KSR1: variants seen among roughly 807,000 people sequenced by gnomAD.
The protein encoded by KSR1 is kinase suppressor of ras.
In KSR1, 35 loss-of-function variants were observed where a neutral mutation model predicts 92.9. That is an observed-to-expected ratio of 0.38 (90% CI 0.29 to 0.50). The LOEUF is 0.50. Among genes scored for constraint, KSR1 ranks in the 20% least tolerant of loss-of-function variants. KSR1 has a pLI of 0.94. For missense variants in KSR1, 972 were observed against 1,158.5 expected, an observed-to-expected ratio of 0.84 and a Z score of 2.34; for synonymous variants, 467 against 472.6, an observed-to-expected ratio of 0.99 and a Z score of 0.15.
intron 10 of KSR1, 117 bp downstream of exon 10, chr17:27,597,553 A>T: frequency 8.9e-7 from 1 of 1,118,792 alleles, no homozygotes; most frequent in Non-Finnish European, 1.2e-6. Flanking sequence ...GCTGATGTTT[A>T]TGAAGTACTT....
intron 6 of KSR1, 21 bp downstream of exon 6, chr17:27,588,556 G>A (rs763041009): frequency 1.3e-6 from 2 of 1,578,762 alleles, no homozygotes; most frequent in South Asian, 1.2e-5. Context: ...CGGGCCTGGA[G>A]GGGGAGCAGG....
At chr17:27,466,577 A>G (rs1000266461) in intron 1 of KSR1, among the ~76,000 whole-genome samples, 2 of 152,240 alleles carry the variant, frequency 1.3e-5, no homozygotes, top group Admixed American at 1.3e-4. Context: ...TGATGGGCAG[A>G]AAACAATCCA....
intron 1 of KSR1, among the ~76,000 whole-genome samples, chr17:27,517,578 C>T (rs1404169864): frequency 2.0e-5 from 3 of 152,180 alleles, no homozygotes; most frequent in Admixed American, 6.5e-5. Flanking sequence ...TTACAGGCTT[C>T]GGCCACTGCA....
At chr17:27,519,414 C>T (rs979092048) in intron 1 of KSR1, among the ~76,000 whole-genome samples, 1 of 152,144 alleles carries the variant, frequency 6.6e-6, no homozygotes, top group Admixed American at 6.5e-5. Flanking sequence ...TTCAGCAATA[C>T]TCCTCCCCAC....
At position 27,623,416 on chromosome 17, in the gene KSR1, T is replaced by A. The variant is rs1196125865; in HGVS notation, c.*24T>A. The A allele has an allele frequency of 1.3e-6, 1 of 758,768 alleles. No individual in the cohort carries two copies. Among genetic ancestry groups the A allele is most frequent in the Non-Finnish European group, 2.4e-6 (1 of 414,728 alleles). 47.0% of individuals were successfully genotyped at this position (758,768 alleles called of 1,614,324 possible). ...AGCCAGCCATATGGTTTTTCGCTGCTGATCTCTTTCTTTTTAAAATGTGTT... is the reference window on the plus strand; with the variant it reads ...AGCCAGCCATATGGTTTTTCGCTGCAGATCTCTTTCTTTTTAAAATGTGTT... On this transcript the variant is annotated 3_prime_UTR_variant, in exon 21 of 21. Transcript: ENST00000644974.
chr17:27,508,417 A>G (rs1370578022), intron 1 of KSR1, among the ~76,000 whole-genome samples: 1 of 152,192 alleles, frequency 6.6e-6, no homozygotes, highest in Non-Finnish European at 1.5e-5. Context: ...TCCATTTTGC[A>G]GATGAGGATC....
At chr17:27,555,503 T>G (rs867455727) in intron 2 of KSR1, among the ~76,000 whole-genome samples, 3 of 112,782 alleles carry the variant, frequency 2.7e-5, no homozygotes, top group African/African-American at 1.1e-4. Flanking sequence ...TCCTTCAGTT[T>G]TGTTTGGCGT....
chr17:27,586,254 C>T (rs962922584), intron 5 of KSR1, among the ~76,000 whole-genome samples: 1 of 152,196 alleles, frequency 6.6e-6, no homozygotes. Context: ...CGTTCCTGCA[C>T]GTGGCTATGC....
At chr17:27,612,250 G>A (rs1335395023) in intron 18 of KSR1, among the ~76,000 whole-genome samples, 1 of 152,224 alleles carries the variant, frequency 6.6e-6, no homozygotes, top group African/African-American at 2.4e-5. Flanking sequence ...GCATGCCATG[G>A]TGAATGGCTT....
intron 1 of KSR1, among the ~76,000 whole-genome samples, chr17:27,507,078 T>C (rs2069412711): frequency 6.6e-6 from 1 of 152,192 alleles, no homozygotes; most frequent in African/African-American, 2.4e-5. Flanking sequence ...CTAGTCCTAG[T>C]CGGGGTGTGC....
chr17:27,597,344 C>T lies in KSR1; in HGVS notation c.1376C>T (p.Pro459Leu), dbSNP rs780247262. 3.1e-6 allele frequency: 5 copies of T among 1,612,992 alleles called. No individual in the cohort carries two copies. Among genetic ancestry groups the T allele is most frequent in the Non-Finnish European group, 4.2e-6 (5 of 1,179,512 alleles). ...ACCACCTCCTCCACACCCTCCTCAC[C>T]GGCGCCCTTCCCGACATCATCCAAC... ...SSTTSSTPSS[P>L]APFPTSSNPS... The change falls in exon 10 of 21, where the codon CCG becomes CTG. Residue 459 changes from proline to leucine, a missense_variant. Pro to Leu is a moderately conservative substitution (Grantham distance 98). This residue lies in a region of KSR1 where 611 missense variants were observed against 668.0 expected (regional missense o/e 0.91). Transcript: ENST00000644974.
chr17:27,540,720 C>T (rs1364679917), intron 1 of KSR1, among the ~76,000 whole-genome samples: 1 of 152,250 alleles, frequency 6.6e-6, no homozygotes, highest in Non-Finnish European at 1.5e-5. Context: ...TGTCAGCCCC[C>T]GTGGGCGCCC....
At chr17:27,474,892 T>TAGCA (rs1483046547) in intron 1 of KSR1, among the ~76,000 whole-genome samples, 1 of 152,040 alleles carries the variant, frequency 6.6e-6, no homozygotes, top group Non-Finnish European at 1.5e-5. Flanking sequence ...CTGGGCAACA[T>TAGCA]AGCAAGATTC....
At chr17:27,554,862 C>T (rs966641732) in intron 2 of KSR1, among the ~76,000 whole-genome samples, 30 of 152,186 alleles carry the variant, frequency 2.0e-4, no homozygotes, top group Middle Eastern at 6.8e-3. Flanking sequence ...CTTTTTATTT[C>T]GGAATAATTT....
chr17:27,587,970 C>G (rs543352569), intron 5 of KSR1, among the ~76,000 whole-genome samples: 1 of 152,224 alleles, frequency 6.6e-6, no homozygotes, highest in Non-Finnish European at 1.5e-5. Context: ...AGTGGCCTCT[C>G]CCAGAGGAAT....
chr17:27,590,499 A>G (rs938011029), intron 6 of KSR1, among the ~76,000 whole-genome samples: 2 of 152,214 alleles, frequency 1.3e-5, no homozygotes, highest in African/African-American at 4.8e-5. Flanking sequence ...ATAAATTCCT[A>G]AGAATTCCTA....
intron 1 of KSR1, among the ~76,000 whole-genome samples, chr17:27,542,364 G>A (rs914892791): frequency 6.6e-6 from 1 of 152,182 alleles, no homozygotes; most frequent in African/African-American, 2.4e-5. Flanking sequence ...TAACATCTGT[G>A]ACATCTGTCA....
intron 1 of KSR1, among the ~76,000 whole-genome samples, chr17:27,466,275 A>G (rs1279244917): frequency 6.6e-6 from 1 of 152,254 alleles, no homozygotes; most frequent in Admixed American, 6.5e-5. Context: ...GTTTCCAAAT[A>G]AAATTGGGTG....
chr17:27,469,961 T>C (rs2019894411), intron 1 of KSR1, among the ~76,000 whole-genome samples: 1 of 151,716 alleles, frequency 6.6e-6, no homozygotes, highest in African/African-American at 2.4e-5. Flanking sequence ...TTCCCAGGAA[T>C]GGAATTACTG....
Sources: allele counts gnomAD v4.1 joint callset (sites outside exome capture counted in the v4.1 genomes callset), GRCh38; gene constraint gnomAD v4.1.1; regional missense constraint gnomAD v4.1.1; transcripts MANE v1.5; gene names NCBI Gene and HGNC (gene_info 2026-07-23, HGNC 2026-07-21).